The following CDK6 variants were observed in gnomAD, a reference collection of about 807,000 sequenced individuals.
The protein encoded by CDK6 is cyclin dependent kinase 6.
A neutral mutation model predicts 37.1 loss-of-function variants in CDK6; 6 were observed. The observed-to-expected ratio is 0.16, with a 90% CI of 0.09 to 0.32. The LOEUF is 0.32. CDK6 is among the 10% of genes least tolerant of loss of function. The pLI is 1.00. For synonymous variants in CDK6, 160 were observed against 161.3 expected (o/e 0.99, Z 0.06); for missense variants, 224 against 418.9 (o/e 0.53, Z 4.06).
rs2116602823 is a variant in CDK6 at position 92,671,464 on chromosome 7, C to A, written c.609G>T (p.Trp203Cys). ...QSSYATPVDL[W>C]SVGCIFAEMF... ...TTTCTGCAAATATGCAGCCAACACTCCAGAGATCCACGGGGGTGGCGTAGC... is the reference window on the plus strand; with the variant it reads ...TTTCTGCAAATATGCAGCCAACACTACAGAGATCCACGGGGGTGGCGTAGC... Residue 203 changes from tryptophan to cysteine, a missense_variant, in exon 5 of 8, where the codon TGG becomes TGT. Trp to Cys is a radical substitution (Grantham distance 215). Around this residue, in one of 5 missense-constraint regions of CDK6, gnomAD observed 82 missense variants for 202.1 expected, o/e 0.41. Transcript: ENST00000424848. 1 of 1,583,240 alleles carries A rather than the reference C, an allele frequency of 6.3e-7. No individual in the cohort carries two copies. Among genetic ancestry groups the A allele is most frequent in the Non-Finnish European group, 8.6e-7 (1 of 1,164,692 alleles).
intron 5 of CDK6, among the ~76,000 whole-genome samples, chr7:92,657,253 A>G (rs1161074610): frequency 6.6e-6 from 1 of 152,192 alleles, no homozygotes; most frequent in East Asian, 1.9e-4. Flanking sequence ...CTGAGACTTT[A>G]TGACCAGGTA....
intron 5 of CDK6, among the ~76,000 whole-genome samples, chr7:92,635,486 T>C (rs1331871482): frequency 1.3e-5 from 2 of 152,150 alleles, no homozygotes; most frequent in African/African-American, 4.8e-5. Context: ...CTCCATATCA[T>C]GGAAGAAAAT....
intron 3 of CDK6, among the ~76,000 whole-genome samples, chr7:92,751,317 AAAG>A (rs770746692): frequency 4.5e-4 from 68 of 152,274 alleles, no homozygotes; most frequent in Non-Finnish European, 7.8e-4. Context: ...TTTAAGAAGA[AAAG>A]AAGTGTTCGA....
At chr7:92,633,677 T>C (rs570444027) in intron 5 of CDK6, among the ~76,000 whole-genome samples, 1 of 151,166 alleles carries the variant, frequency 6.6e-6, no homozygotes, top group Non-Finnish European at 1.5e-5. Context: ...TTTTAGGAAA[T>C]GGAAGTGTCA....
intron 2 of CDK6, among the ~76,000 whole-genome samples, chr7:92,779,884 C>CT (rs985074362): frequency 1.1e-4 from 17 of 152,038 alleles, no homozygotes; most frequent in East Asian, 1.9e-4. Context: ...ATTTATGATG[C>CT]TTTTTTTTGT....
chr7:92,759,065 T>C (rs1799386142), intron 3 of CDK6, among the ~76,000 whole-genome samples: 1 of 152,188 alleles, frequency 6.6e-6, no homozygotes, highest in African/African-American at 2.4e-5. Context: ...CCATGTTCTA[T>C]TTGTGAGTTA....
chr7:92,625,301 A>G (rs1795901019), intron 5 of CDK6, among the ~76,000 whole-genome samples: 1 of 151,820 alleles, frequency 6.6e-6, no homozygotes, highest in African/African-American at 2.4e-5. Context: ...AATCATGTAA[A>G]GTATTTCACA....
chr7:92,645,490 T>A (rs758284574), intron 5 of CDK6, among the ~76,000 whole-genome samples: 2 of 152,212 alleles, frequency 1.3e-5, no homozygotes, highest in Non-Finnish European at 2.9e-5. Flanking sequence ...GATAATAAGA[T>A]TTCCAAGCAG....
intron 4 of CDK6, among the ~76,000 whole-genome samples, chr7:92,688,893 A>G (rs1333355366): frequency 1.3e-5 from 2 of 152,146 alleles, no homozygotes; most frequent in African/African-American, 2.4e-5. Context: ...ATTTGTTGTG[A>G]GTCTTCCCAT....
intron 5 of CDK6, among the ~76,000 whole-genome samples, chr7:92,634,871 T>C (rs1478914160): frequency 3.3e-5 from 5 of 152,146 alleles, no homozygotes; most frequent in Non-Finnish European, 4.4e-5. Context: ...ACTGTTCTCC[T>C]AAGTGATGGA....
At chr7:92,664,004 G>A (rs968076413) in intron 5 of CDK6, among the ~76,000 whole-genome samples, 2 of 151,964 alleles carry the variant, frequency 1.3e-5, no homozygotes, top group Non-Finnish European at 2.9e-5. Flanking sequence ...AGCCGGGCAC[G>A]GGGGCAGGCG....
chr7:92,731,545 C>A (rs942862015), intron 3 of CDK6, among the ~76,000 whole-genome samples: 2 of 152,152 alleles, frequency 1.3e-5, no homozygotes, highest in African/African-American at 2.4e-5. Context: ...TCAGGAGAAA[C>A]AAAGGCATGG....
chr7:92,734,799 T>C (rs751329255), intron 3 of CDK6, among the ~76,000 whole-genome samples: 1 of 152,220 alleles, frequency 6.6e-6, no homozygotes. Context: ...CATTAAAACA[T>C]GTTCATATGT....
rs11285626 is a variant in CDK6 at position 92,711,552 on chromosome 7, A to ATTTTTTTTTTTTTT, written c.537+14060_537+14073dup. ...TTTTTTACCTACCTGGAATGGTCAA[A>ATTTTTTTTTTTTTT]TTTTTTTTTTTTTTTTTTTTTTTTT... is the stretch of plus-strand genomic sequence containing the variant. On this transcript the variant is annotated intron_variant, in intron 4 of 7. Coordinates refer to ENST00000424848, the MANE Select transcript of CDK6 (RefSeq NM_001145306.2). Among the ~76,000 whole-genome samples, 13 of 56,626 alleles carry ATTTTTTTTTTTTTT rather than the reference A, an allele frequency of 2.3e-4. 1 individual carries two copies. The highest frequency in any genetic ancestry group is 9.0e-4 in the African/African-American group (11 of 12,216). 37.1% of individuals were successfully genotyped at this position (56,626 alleles called of 152,430 possible). A position where few individuals can be genotyped will look rare whatever the true frequency, so the allele number is the denominator to read the frequency against.
rs949258898 is a variant in CDK6, at chr7:92,736,157, A to T, written c.370-10364T>A. On this transcript the variant is annotated intron_variant, in intron 3 of 7. Coordinates refer to ENST00000424848, the MANE Select transcript of CDK6 (RefSeq NM_001145306.2). Reference sequence around the variant, plus strand: ...AAAATGACCCCACAAAAAGATTTAAACAAGATATATTATAGATTATGTAAT... The same window carrying T: ...AAAATGACCCCACAAAAAGATTTAATCAAGATATATTATAGATTATGTAAT... Among the ~76,000 whole-genome samples the T allele has an allele frequency of 2.0e-5, 3 of 152,114 alleles. No homozygotes were observed. In the South Asian group the frequency reaches 6.2e-4, roughly 32 times the overall value.
intron 3 of CDK6, among the ~76,000 whole-genome samples, chr7:92,766,497 T>A (rs944709029): frequency 2.2e-4 from 34 of 152,266 alleles, no homozygotes; most frequent in African/African-American, 7.5e-4. Context: ...ACCAAGAGCA[T>A]GTGGGAGACG....
chr7:92,810,432 T>C (rs1184254932), intron 2 of CDK6, among the ~76,000 whole-genome samples: 1 of 152,234 alleles, frequency 6.6e-6, no homozygotes, highest in Non-Finnish European at 1.5e-5. Flanking sequence ...ACAGTTGACC[T>C]TGAGCAAGTC....
At chr7:92,792,810 G>A (rs1800316332) in intron 2 of CDK6, among the ~76,000 whole-genome samples, 1 of 151,986 alleles carries the variant, frequency 6.6e-6, no homozygotes, top group African/African-American at 2.4e-5. Flanking sequence ...ATAAACAACT[G>A]TAAACATATA....
rs539322600 is a variant in CDK6 at position 92,612,329 on chromosome 7, G to T, written c.*2811C>A. 1 of 233,142 alleles carries T rather than the reference G, an allele frequency of 4.3e-6. No homozygotes were observed. The highest frequency in any genetic ancestry group is 6.0e-5 in the East Asian group (1 of 16,546). 14.4% of individuals were successfully genotyped at this position (233,142 alleles called of 1,614,324 possible). ...AATATGCCCTTTTCAGTTCACCACT[G>T]CTTAGCTTTTGGCAAAGATGTTTGA... On this transcript the variant is annotated 3_prime_UTR_variant, in exon 8 of 8. Coordinates refer to ENST00000424848, the MANE Select transcript of CDK6 (RefSeq NM_001145306.2).
Sources: gnomAD v4.1 joint callset for allele counts (sites outside exome capture counted in the v4.1 genomes callset) on GRCh38, gnomAD v4.1.1 for gene constraint, gnomAD v4.1.1 regional missense constraint, MANE v1.5 for transcripts, NCBI Gene and HGNC (gene_info 2026-07-23, HGNC 2026-07-21) for gene names.